Variants in EPCAM observed in about 807,000 individuals in gnomAD.
The protein encoded by EPCAM is epithelial cell adhesion molecule.
EPCAM carries 39 observed loss-of-function variants against 40.0 expected under a neutral mutation model. The observed-to-expected ratio is 0.98, with a 90% CI of 0.76 to 1.27. The LOEUF (loss-of-function observed/expected upper bound fraction) is 1.27. Ranked by LOEUF, EPCAM falls within the 50% of genes most tolerant of loss-of-function variation. The pLI is 0.00. For missense variants in EPCAM, 503 were observed against 381.2 expected (o/e 1.32, Z -2.66); for synonymous variants, 168 against 132.3 (o/e 1.27, Z -1.85).
chr2:47,384,741 C>T (rs1671692981), intron 7 of EPCAM, among the ~76,000 whole-genome samples: 1 of 152,108 alleles, frequency 6.6e-6, no homozygotes, highest in Non-Finnish European at 1.5e-5. Context: ...GGGTCTTACT[C>T]TGTAGCCCAG....
intron 4 of EPCAM, among the ~76,000 whole-genome samples, chr2:47,376,645 C>T (rs1317814790): frequency 2.6e-5 from 4 of 152,150 alleles, no homozygotes; most frequent in Non-Finnish European, 5.9e-5. Flanking sequence ...TATAATACTT[C>T]ACATTAGGAG....
At chr2:47,375,982 G>C (rs962599193) in intron 4 of EPCAM, among the ~76,000 whole-genome samples, 1 of 152,068 alleles carries the variant, frequency 6.6e-6, no homozygotes, top group African/African-American at 2.4e-5. Flanking sequence ...GCAATTACAG[G>C]TGTGAGCTTC....
intron 3 of EPCAM, 95 bp from the exon 4 acceptor site, chr2:47,375,139 G>A: frequency 2.2e-6 from 2 of 909,478 alleles, no homozygotes; most frequent in South Asian, 1.4e-5. Context: ...TTTTCTCTTA[G>A]TCCTTATAAT....
intron 1 of EPCAM, 69 bp downstream of exon 1, chr2:47,369,650 G>T (rs1558432847): frequency 1.4e-6 from 2 of 1,478,676 alleles, no homozygotes; most frequent in Non-Finnish European, 9.3e-7. Context: ...CCGGCCCTCG[G>T]CCCCCGAAAC....
chr2:47,383,709 A>G (rs1348835833), intron 7 of EPCAM, among the ~76,000 whole-genome samples: 2 of 129,516 alleles, frequency 1.5e-5, no homozygotes, highest in Non-Finnish European at 3.1e-5. Context: ...ATCTCGGCTC[A>G]CTGCAACCTC....
intron 7 of EPCAM, among the ~76,000 whole-genome samples, chr2:47,382,276 T>G (rs1671614757): frequency 1.3e-5 from 2 of 152,170 alleles, no homozygotes; most frequent in African/African-American, 4.8e-5. Flanking sequence ...AATAGAAATT[T>G]CAGATGGCAA....
intron 1 of EPCAM, among the ~76,000 whole-genome samples, chr2:47,372,328 G>A (rs1671291990): frequency 6.6e-6 from 1 of 152,010 alleles, no homozygotes; most frequent in South Asian, 2.1e-4. Context: ...TGGAATAGTT[G>A]ATTTTTTTTT....
At chr2:47,379,713 T>A in intron 6 of EPCAM, 56 bp from the exon 7 acceptor site, 1 of 1,590,278 alleles carries the variant, frequency 6.3e-7, no homozygotes, top group Non-Finnish European at 8.6e-7. Context: ...TAATTATATG[T>A]GGCCATGGTT....
At position 47,376,879 on chromosome 2, in the gene EPCAM, T is replaced by A. The variant is rs1671441054; in HGVS notation, c.492-135T>A. On this transcript the variant is annotated intron_variant, in intron 4 of 8. Coordinates refer to ENST00000263735, the MANE Select transcript of EPCAM (RefSeq NM_002354.3). ...CAGCCTGAATCAATTATTATTATGA[T>A]AGTTGCAAAATGGCAGAAAAATTTT... 6.2e-6 allele frequency: 4 copies of A among 647,232 alleles called. No individual in the cohort carries two copies. In the East Asian group the frequency reaches 1.1e-4, roughly 18 times the overall value. The allele number at this position is 647,232 out of a possible 1,614,324, so 40.1% of individuals were successfully genotyped here.
At chr2:47,372,442 A>G (rs1426053658) in intron 1 of EPCAM, among the ~76,000 whole-genome samples, 2 of 152,012 alleles carry the variant, frequency 1.3e-5, no homozygotes, top group East Asian at 1.9e-4. Flanking sequence ...GTCCTAGACC[A>G]GCCTGACCAA....
chr2:47,377,425 C>T (rs150064077), intron 5 of EPCAM, among the ~76,000 whole-genome samples: 2,095 of 151,810 alleles, frequency 0.014, 50 homozygotes, highest in African/African-American at 0.048. Context: ...TTAGTGTCGG[C>T]GGGGTTTTGC....
chr2:47,378,859 C>A, intron 5 of EPCAM, 94 bp from the exon 6 acceptor site: 1 of 714,750 alleles, frequency 1.4e-6, no homozygotes, highest in South Asian at 1.5e-5. Flanking sequence ...TATAGAAAAT[C>A]AAACACTGAA....
intron 1 of EPCAM, among the ~76,000 whole-genome samples, chr2:47,371,420 C>T (rs543360311): frequency 4.3e-4 from 66 of 152,300 alleles, no homozygotes; most frequent in African/African-American, 1.4e-3. Flanking sequence ...GCCACCGGTC[C>T]GGCATCTCTT....
intron 7 of EPCAM, among the ~76,000 whole-genome samples, chr2:47,381,425 A>C (rs1001171605): frequency 2.6e-5 from 4 of 151,244 alleles, no homozygotes; most frequent in Non-Finnish European, 5.9e-5. Flanking sequence ...AATCTTACTA[A>C]CACAACAGAA....
chr2:47,378,597 C>T (rs1322638384), intron 5 of EPCAM, among the ~76,000 whole-genome samples: 1 of 152,096 alleles, frequency 6.6e-6, no homozygotes, highest in Non-Finnish European at 1.5e-5. Context: ...CCACTGCACC[C>T]GGCCTTACCT....
At chr2:47,376,602 A>C (rs759725287) in intron 4 of EPCAM, among the ~76,000 whole-genome samples, 19 of 152,142 alleles carry the variant, frequency 1.2e-4, no homozygotes, top group Non-Finnish European at 1.9e-4. Flanking sequence ...TGCATTTTTG[A>C]CAGGAAAACT....
intron 1 of EPCAM, among the ~76,000 whole-genome samples, chr2:47,372,827 G>T (rs1671310805): frequency 1.3e-5 from 2 of 152,048 alleles, no homozygotes; most frequent in South Asian, 2.1e-4. Flanking sequence ...AGCAGGACAG[G>T]ACTGTGGAAG....
intron 4 of EPCAM, 47 bp downstream of exon 4, chr2:47,375,346 A>C (rs1245831075): frequency 8.3e-7 from 1 of 1,202,048 alleles, no homozygotes. Context: ...TGGTGGCTCA[A>C]ATCTTCCATC....
chr2:47,378,299 CTTTTTTTTTT>C (rs70940676), intron 5 of EPCAM, among the ~76,000 whole-genome samples: 1 of 118,684 alleles, frequency 8.4e-6, no homozygotes, highest in Admixed American at 8.7e-5. Context: ...TTTTTCTTTT[CTTTTTTTTTT>C]TTTTTTTTTG....
Sources: gnomAD v4.1 joint callset for allele counts (sites outside exome capture counted in the v4.1 genomes callset) on GRCh38, gnomAD v4.1.1 for gene constraint, MANE v1.5 for transcripts, NCBI Gene and HGNC (gene_info 2026-07-23, HGNC 2026-07-21) for gene names.